Variants in BMPER observed in about 807,000 individuals in gnomAD.
The protein encoded by BMPER is BMP-binding endothelial regulator protein.
BMPER carries 45 observed loss-of-function variants against 87.3 expected under a neutral mutation model. The ratio of observed to expected loss-of-function variants is 0.52; its 90% confidence interval spans 0.41 to 0.66. BMPER has a LOEUF of 0.66. Among genes scored for constraint, BMPER ranks in the 30% least tolerant of loss-of-function variants. The pLI is 0.00. For synonymous variants in BMPER, 326 were observed against 316.2 expected (o/e 1.03, Z -0.33); for missense variants, 784 against 867.5 (o/e 0.90, Z 1.21).
intron 6 of BMPER, among the ~76,000 whole-genome samples, chr7:33,980,826 A>T (rs761851105): frequency 3.0e-4 from 45 of 152,204 alleles, no homozygotes; most frequent in Non-Finnish European, 4.7e-4. Flanking sequence ...GCTGTCTGTG[A>T]TGAAGGAGCT....
At chr7:34,073,963 C>T (rs187185971) in intron 11 of BMPER, among the ~76,000 whole-genome samples, 43 of 152,278 alleles carry the variant, frequency 2.8e-4, no homozygotes, top group African/African-American at 7.7e-4. Flanking sequence ...TGAGGGGGGC[C>T]AGCACTGGGC....
chr7:34,126,170 GA>G (rs1451919644), intron 13 of BMPER, among the ~76,000 whole-genome samples: 1 of 152,214 alleles, frequency 6.6e-6, no homozygotes, highest in Non-Finnish European at 1.5e-5. Context: ...CTATTGGCCT[GA>G]AATTTGAAAA....
chr7:33,961,721 C>A (rs963411601), intron 3 of BMPER, among the ~76,000 whole-genome samples: 1 of 152,056 alleles, frequency 6.6e-6, no homozygotes, highest in African/African-American at 2.4e-5. Flanking sequence ...AGCTGTAGCG[C>A]AAGAGAGTAA....
chr7:34,115,552 G>T (rs183418137), intron 13 of BMPER, among the ~76,000 whole-genome samples: 38 of 152,216 alleles, frequency 2.5e-4, no homozygotes, highest in African/African-American at 8.7e-4. Context: ...TGTCTCTATA[G>T]ATTTTCCCAT....
At chr7:34,040,980 A>G (rs1174894668) in intron 6 of BMPER, among the ~76,000 whole-genome samples, 3 of 152,230 alleles carry the variant, frequency 2.0e-5, no homozygotes, top group African/African-American at 7.2e-5. Flanking sequence ...AAAAGCAGAC[A>G]TAAAGCTACA....
At chr7:33,926,358 G>A (rs1180270385) in intron 2 of BMPER, among the ~76,000 whole-genome samples, 4 of 152,172 alleles carry the variant, frequency 2.6e-5, no homozygotes, top group African/African-American at 9.7e-5. Context: ...GCTTCTGGAA[G>A]CCGTTTTGTG....
chr7:33,924,526 AC>A (rs1257177529), intron 2 of BMPER, among the ~76,000 whole-genome samples: 1 of 152,164 alleles, frequency 6.6e-6, no homozygotes, highest in Non-Finnish European at 1.5e-5. Flanking sequence ...CCTACGGGAT[AC>A]CCAACCCCCT....
At chr7:33,951,991 A>G (rs558165120) in intron 3 of BMPER, among the ~76,000 whole-genome samples, 1 of 152,318 alleles carries the variant, frequency 6.6e-6, no homozygotes, top group East Asian at 1.9e-4. Flanking sequence ...AAAAAAGATA[A>G]TTAAAACCAC....
chr7:34,150,441 G>A (rs1583485030), intron 14 of BMPER, among the ~76,000 whole-genome samples: 1 of 152,178 alleles, frequency 6.6e-6, no homozygotes, highest in East Asian at 1.9e-4. Context: ...ATGAAGTCTG[G>A]GCATCAGGAA....
At chr7:34,105,667 A>G (rs1361402906) in intron 13 of BMPER, among the ~76,000 whole-genome samples, 1 of 152,204 alleles carries the variant, frequency 6.6e-6, no homozygotes, top group Non-Finnish European at 1.5e-5. Context: ...GTACAAGTGT[A>G]TATTTACTTC....
At chr7:34,014,338 TAGAGA>T (rs1562689584) in intron 6 of BMPER, among the ~76,000 whole-genome samples, 1 of 151,896 alleles carries the variant, frequency 6.6e-6, no homozygotes, top group Non-Finnish European at 1.5e-5. Context: ...TGGAGCAGCA[TAGAGA>T]AGAGACAGCA....
At chr7:34,128,127 T>G (rs974168164) in intron 13 of BMPER, among the ~76,000 whole-genome samples, 2 of 152,216 alleles carry the variant, frequency 1.3e-5, no homozygotes, top group African/African-American at 4.8e-5. Flanking sequence ...GGTCCCCAAA[T>G]GGAATGTATG....
rs1336167001 is a variant in BMPER, at chr7:34,104,894, A to G, written c.1745+18802A>G. On this transcript the variant is annotated intron_variant, in intron 13 of 14. Transcript: ENST00000649409. ...GAAACACATTTCAGTTGAGGAAGGG[A>G]AAGTGGAAGAAATGACTCGTCTATT... Among the ~76,000 whole-genome samples, 4 of 152,296 alleles carry G rather than the reference A, an allele frequency of 2.6e-5. No homozygotes were observed. The South Asian group carries it at 6.2e-4, about 24-fold the overall frequency.
chr7:33,939,412 C>T (rs1302883218), intron 3 of BMPER, among the ~76,000 whole-genome samples: 1 of 152,146 alleles, frequency 6.6e-6, no homozygotes, highest in Non-Finnish European at 1.5e-5. Context: ...GTGCAGTGTC[C>T]TGAGTTCTCT....
In BMPER at chr7:34,061,927, G is replaced by T. The variant is rs1788445407; in HGVS notation, c.1033-75G>T. On this transcript the variant is annotated intron_variant, in intron 10 of 14. Transcript: ENST00000649409. The stretch of plus-strand genomic sequence containing the variant: ...TTTATCTTGTATTAGATTTTAAAAA[G>T]ATATTTGTCCTCAGGAGACCCTGTT... 4.0e-6 allele frequency: 5 copies of T among 1,235,976 alleles called. No homozygotes were observed. In the Admixed American group the frequency reaches 8.6e-5, roughly 21 times the overall value. The allele number at this position is 1,235,976 out of a possible 1,614,324, so 76.6% of individuals were successfully genotyped here. A position where few individuals can be genotyped will look rare whatever the true frequency, so the allele number is the denominator to read the frequency against.
chr7:34,069,225 A>C (rs1411385815), intron 11 of BMPER, among the ~76,000 whole-genome samples: 2 of 152,224 alleles, frequency 1.3e-5, no homozygotes, highest in East Asian at 3.9e-4. Context: ...CGACAAAACA[A>C]ATGAACAATA....
intron 13 of BMPER, among the ~76,000 whole-genome samples, chr7:34,132,283 T>C (rs1790612834): frequency 6.6e-6 from 1 of 152,092 alleles, no homozygotes; most frequent in South Asian, 2.1e-4. Flanking sequence ...CCTTAATATG[T>C]TGCCCTCAAG....
intron 11 of BMPER, 137 bp from the exon 12 acceptor site, chr7:34,078,720 G>A: frequency 1.2e-6 from 1 of 869,404 alleles, no homozygotes; most frequent in Non-Finnish European, 1.9e-6. Flanking sequence ...CTTTAAAAAC[G>A]ACCACTTTTT....
At chr7:34,022,997 A>C (rs1787238607) in intron 6 of BMPER, among the ~76,000 whole-genome samples, 1 of 152,036 alleles carries the variant, frequency 6.6e-6, no homozygotes, top group South Asian at 2.1e-4. Flanking sequence ...AAATTAATGA[A>C]GACTATTTGA....
Sources: gnomAD v4.1 joint callset for allele counts (sites outside exome capture counted in the v4.1 genomes callset) on GRCh38, gnomAD v4.1.1 for gene constraint, MANE v1.5 for transcripts, NCBI Gene and HGNC (gene_info 2026-07-23, HGNC 2026-07-21) for gene names.